Variants in CAV2 observed in about 807,000 individuals in gnomAD.
CAV2 encodes the protein caveolin 2, also known as caveolin-2.
Under a neutral mutation model 15.5 loss-of-function variants are expected in CAV2, and 7 were observed. The observed-to-expected ratio is 0.45, with a 90% CI of 0.26 to 0.85. CAV2 has a LOEUF of 0.85. Ranked by LOEUF, CAV2 falls within the 40% of genes least tolerant of loss-of-function variation. The pLI is 0.18. For missense variants in CAV2, 229 were observed against 208.8 expected, an observed-to-expected ratio of 1.10 and a Z score of -0.60; for synonymous variants, 76 against 83.1, an observed-to-expected ratio of 0.91 and a Z score of 0.46.
intron 1 of CAV2, 95 bp from the exon 2 acceptor site, chr7:116,500,165 G>T: frequency 6.5e-7 from 1 of 1,529,002 alleles, no homozygotes; most frequent in Middle Eastern, 2.2e-4. Flanking sequence ...GCCCTGGCAC[G>T]TCCTTCCCTC....
At chr7:116,503,579 A>G (rs549463347) in intron 2 of CAV2, among the ~76,000 whole-genome samples, 14 of 151,184 alleles carry the variant, frequency 9.3e-5, no homozygotes, top group Admixed American at 7.9e-4. Context: ...CTGTAATCCC[A>G]GCACTTTGGG....
chr7:116,503,990 G>C (rs369739943), intron 2 of CAV2, among the ~76,000 whole-genome samples: 2 of 138,482 alleles, frequency 1.4e-5, no homozygotes, highest in East Asian at 2.0e-4. Flanking sequence ...AGAAAGAAAA[G>C]AAGAAAGAAA....
At chr7:116,502,892 G>A (rs1437279087) in intron 2 of CAV2, among the ~76,000 whole-genome samples, 2 of 152,064 alleles carry the variant, frequency 1.3e-5, no homozygotes, top group African/African-American at 4.8e-5. Flanking sequence ...ACAGGTTATT[G>A]GTCATAAGTG....
In CAV2 at chr7:116,506,480, A is replaced by G. The variant is rs544700663; in HGVS notation, c.*359A>G. 2.3e-5 allele frequency: 4 copies of G among 173,146 alleles called. No homozygotes were observed. In the East Asian group the frequency reaches 6.2e-4, roughly 27 times the overall value. 10.7% of individuals were successfully genotyped at this position (173,146 alleles called of 1,614,324 possible). A position where few individuals can be genotyped will look rare whatever the true frequency, so the allele number is the denominator to read the frequency against. ...ACAATAGTTTTATGCACAACTTCCC[A>G]TTAAAAATGAGATTTCTTATTTGTT... On this transcript the variant is annotated 3_prime_UTR_variant, in exon 3 of 3. Coordinates refer to ENST00000222693, the MANE Select transcript of CAV2 (RefSeq NM_001233.5).
intron 2 of CAV2, among the ~76,000 whole-genome samples, chr7:116,505,198 G>C (rs1793204716): frequency 6.6e-6 from 1 of 152,186 alleles, no homozygotes; most frequent in Admixed American, 6.5e-5. Context: ...TGAGGCAGCA[G>C]GAAAGGCTAT....
intron 2 of CAV2, among the ~76,000 whole-genome samples, chr7:116,505,493 G>A (rs950663543): frequency 6.6e-5 from 10 of 152,108 alleles, no homozygotes; most frequent in African/African-American, 1.9e-4. Flanking sequence ...ACAGTTCTGC[G>A]GGCTGTACAG....
chr7:116,502,175 A>G (rs1211329565), intron 2 of CAV2, among the ~76,000 whole-genome samples: 1 of 152,218 alleles, frequency 6.6e-6, no homozygotes, highest in African/African-American at 2.4e-5. Flanking sequence ...TTGAAAAAAA[A>G]AAGTTTCTCA....
chr7:116,500,034 C>A (rs377393850), intron 1 of CAV2, 103 bp downstream of exon 1: 4 of 1,502,426 alleles, frequency 2.7e-6, no homozygotes, highest in African/African-American at 2.8e-5. Flanking sequence ...CCGGGTCGGC[C>A]CCGCAGGGTC....
chr7:116,507,225 G>A lies in CAV2; in HGVS notation c.*1104G>A, dbSNP rs1238038072. ...AGAGACAGGGGAGTTGTCAACTTGG[G>A]CTACTGAACTACATGCATAAACTAA... On this transcript the variant is annotated 3_prime_UTR_variant, in exon 3 of 3. Coordinates refer to ENST00000222693, the MANE Select transcript of CAV2 (RefSeq NM_001233.5). The A allele has an allele frequency of 1.3e-5, 2 of 152,452 alleles. No individual in the cohort carries two copies. Among genetic ancestry groups the A allele is most frequent in the Non-Finnish European group, 2.9e-5 (2 of 68,004 alleles). 9.4% of individuals were successfully genotyped at this position (152,452 alleles called of 1,614,324 possible). A position where few individuals can be genotyped will look rare whatever the true frequency, so the allele number is the denominator to read the frequency against.
chr7:116,499,754 G>T lies in CAV2; in HGVS notation c.-28G>T, dbSNP rs534908372. 9.3e-6 allele frequency: 14 copies of T among 1,505,888 alleles called. 1 individual carries two copies. In the South Asian group the frequency reaches 1.8e-4, roughly 19 times the overall value. 93.3% of individuals were successfully genotyped at this position (1,505,888 alleles called of 1,614,324 possible). On this transcript the variant is annotated 5_prime_UTR_variant, in exon 1 of 3. Transcript: ENST00000222693. ...CCGGGAGCCGCACCGCGCCAGCCGG[G>T]CTGCAGCGGCCGCGCACCAAGGCTG...
At chr7:116,503,408 A>G (rs1793146773) in intron 2 of CAV2, among the ~76,000 whole-genome samples, 1 of 152,200 alleles carries the variant, frequency 6.6e-6, no homozygotes, top group Admixed American at 6.5e-5. Flanking sequence ...AACTCCTCGA[A>G]TGTGGGTAAC....
chr7:116,503,919 A>AGGGAGTGAGGGAGGG (rs1197136360), intron 2 of CAV2, among the ~76,000 whole-genome samples: 1 of 67,920 alleles, frequency 1.5e-5, no homozygotes, highest in Non-Finnish European at 3.0e-5. Context: ...GGGAGGAAGG[A>AGGGAGTGAGGGAGGG]AGGAAGGGAG....
At chr7:116,503,061 ACT>A (rs774536079) in intron 2 of CAV2, among the ~76,000 whole-genome samples, 1 of 151,838 alleles carries the variant, frequency 6.6e-6, no homozygotes, top group Non-Finnish European at 1.5e-5. Flanking sequence ...AGTCTGCATG[ACT>A]CTACAATTAC....
In CAV2 at chr7:116,499,769, C is replaced by CA; in HGVS notation, c.-12dup. 6.5e-7 allele frequency: 1 copy of CA among 1,538,036 alleles called. No homozygotes were observed. Among genetic ancestry groups the CA allele is most frequent in the Non-Finnish European group, 8.7e-7 (1 of 1,143,818 alleles). On this transcript the variant is annotated 5_prime_UTR_variant, in exon 1 of 3. Coordinates refer to ENST00000222693, the MANE Select transcript of CAV2 (RefSeq NM_001233.5). ...CGCCAGCCGGGCTGCAGCGGCCGCG[C>CA]ACCAAGGCTGCGATGGGGCTGGAGA...
chr7:116,501,691 CAAAG>C (rs997643902), intron 2 of CAV2, among the ~76,000 whole-genome samples: 4 of 152,030 alleles, frequency 2.6e-5, no homozygotes, highest in African/African-American at 9.6e-5. Context: ...AGTCAACTGA[CAAAG>C]AGGGAGGAAC....
Position 116,508,211 on chromosome 7 carries a change from G to A in CAV2, c.*2090G>A, listed in dbSNP as rs767330897. ...TTATGTTGATAAACCAAAAACATTT[G>A]ATTAATAAAATATCTATTTGAATAA... On this transcript the variant is annotated 3_prime_UTR_variant, in exon 3 of 3. Coordinates refer to ENST00000222693, the MANE Select transcript of CAV2 (RefSeq NM_001233.5). 3.3e-5 allele frequency: 5 copies of A among 152,090 alleles called. No homozygotes were observed. Among genetic ancestry groups the A allele is most frequent in the Non-Finnish European group, 7.4e-5 (5 of 68,006 alleles). The allele number at this position is 152,090 out of a possible 1,614,324, so 9.4% of individuals were successfully genotyped here. A position where few individuals can be genotyped will look rare whatever the true frequency, so the allele number is the denominator to read the frequency against.
At position 116,505,762 on chromosome 7, in the gene CAV2, C is replaced by T. The variant is rs568481643; in HGVS notation, c.339-209C>T. Among the ~76,000 whole-genome samples the T allele has an allele frequency of 8.5e-5, 13 of 152,296 alleles. No individual in the cohort carries two copies. In the South Asian group the frequency reaches 2.7e-3, roughly 32 times the overall value. ...ATCCAATTATCCCCACTCGGCCCCA[C>T]CTCCAACACTGGGGACTACATTTCA... On this transcript the variant is annotated intron_variant, in intron 2 of 2. Transcript: ENST00000222693.
intron 2 of CAV2, among the ~76,000 whole-genome samples, chr7:116,503,465 C>G (rs1793148022): frequency 6.6e-6 from 1 of 152,098 alleles, no homozygotes; most frequent in African/African-American, 2.4e-5. Context: ...GCTAAATTCC[C>G]TTTTAGGACA....
rs1793292721 is a variant in CAV2 at position 116,508,352 on chromosome 7, A to T, written c.*2231A>T. The T allele has an allele frequency of 8.9e-6, 1 of 112,580 alleles. No individual in the cohort carries two copies. The highest frequency in any genetic ancestry group is 2.9e-5 in the African/African-American group (1 of 34,446). The allele number at this position is 112,580 out of a possible 1,614,324, so 7.0% of individuals were successfully genotyped here. On this transcript the variant is annotated 3_prime_UTR_variant, in exon 3 of 3. Transcript: ENST00000222693. The stretch of plus-strand genomic sequence containing the variant: ...AGTAACATGACTTCCTTATTTCTGA[A>T]CAGTACTGGTTACTTTCAAAATGAA...
Sources: allele counts gnomAD v4.1 joint callset (sites outside exome capture counted in the v4.1 genomes callset), GRCh38; gene constraint gnomAD v4.1.1; transcripts MANE v1.5; gene names NCBI Gene and HGNC (gene_info 2026-07-23, HGNC 2026-07-21).